GPHN: variants seen among roughly 807,000 people sequenced by gnomAD.
The protein encoded by GPHN is gephyrin.
GPHN carries 17 observed loss-of-function variants against 95.5 expected under a neutral mutation model. The ratio of observed to expected loss-of-function variants is 0.18; its 90% CI spans 0.12 to 0.27. GPHN has a LOEUF of 0.27. Among genes scored for constraint, GPHN ranks in the 10% least tolerant of loss-of-function variants. The probability of loss-of-function intolerance (pLI) is 1.00; values close to 1 mark genes in which losing one functional copy is unlikely to be tolerated. For synonymous variants in GPHN, 320 were observed against 322.5 expected, an observed-to-expected ratio of 0.99 and a Z score of 0.08; for missense variants, 660 against 978.1, an observed-to-expected ratio of 0.67 and a Z score of 4.34.
At chr14:67,255,099 G>A in the GPHN span, among the ~76,000 whole-genome samples, 1 of 152,026 alleles carries the variant, frequency 6.6e-6, no homozygotes, top group Admixed American at 6.5e-5. Flanking sequence ...CAGTGAGCCA[G>A]GATTGTGCCA....
chr14:66,869,391 G>A (rs542776210), intron 4 of GPHN, among the ~76,000 whole-genome samples: 1 of 152,258 alleles, frequency 6.6e-6, no homozygotes, highest in South Asian at 2.1e-4. Context: ...TTGTAATTAA[G>A]TTTTATTCTC....
chr14:67,608,535 CA>C, the GPHN span, among the ~76,000 whole-genome samples: 107 of 152,248 alleles, frequency 7.0e-4, no homozygotes, highest in African/African-American at 2.4e-3. Context: ...CCACCTTAAA[CA>C]AAAGGAGGGA....
chr14:66,738,249 T>G (rs1404920127), intron 2 of GPHN, among the ~76,000 whole-genome samples: 4 of 152,222 alleles, frequency 2.6e-5, no homozygotes, highest in Non-Finnish European at 5.9e-5. Flanking sequence ...ACTGTTAATT[T>G]AAAACTGTCT....
chr14:67,387,382 T>C, the GPHN span: 1 of 1,611,408 alleles, frequency 6.2e-7, no homozygotes, highest in Non-Finnish European at 8.5e-7. Flanking sequence ...GCCTTGCTGC[T>C]GGCCTGAATG....
At chr14:66,718,736 T>TA (rs1176923504) in intron 2 of GPHN, among the ~76,000 whole-genome samples, 1 of 152,180 alleles carries the variant, frequency 6.6e-6, no homozygotes, top group Non-Finnish European at 1.5e-5. Flanking sequence ...TTGGTGCACT[T>TA]ACAATCCTCT....
At chr14:66,521,323 T>C (rs2058476840) in intron 1 of GPHN, among the ~76,000 whole-genome samples, 1 of 152,048 alleles carries the variant, frequency 6.6e-6, no homozygotes, top group South Asian at 2.1e-4. Context: ...ATGACTCACA[T>C]GTCAATTTTG....
chr14:67,694,859 T>A, the GPHN span, among the ~76,000 whole-genome samples: 1 of 152,202 alleles, frequency 6.6e-6, no homozygotes, highest in Non-Finnish European at 1.5e-5. Flanking sequence ...GGAGTGTGTC[T>A]GTCTATTCAG....
chr14:66,909,715 C>CT (rs2065573047), intron 5 of GPHN, among the ~76,000 whole-genome samples: 2 of 151,934 alleles, frequency 1.3e-5, no homozygotes, highest in Non-Finnish European at 2.9e-5. Flanking sequence ...TTAGTATTCT[C>CT]TTTAAAGTTA....
At chr14:66,939,843 A>G (rs1436811763) in intron 8 of GPHN, among the ~76,000 whole-genome samples, 2 of 152,230 alleles carry the variant, frequency 1.3e-5, no homozygotes, top group African/African-American at 4.8e-5. Flanking sequence ...AGGGTCCCCA[A>G]CAAAAGGGAC....
the GPHN span, among the ~76,000 whole-genome samples, chr14:67,324,896 C>CGTT: frequency 8.7e-6 from 1 of 114,456 alleles, no homozygotes; most frequent in Non-Finnish European, 1.7e-5. Flanking sequence ...GCCTTCCTTT[C>CGTT]ATTTTTTTTT....
the GPHN span, among the ~76,000 whole-genome samples, chr14:67,293,775 G>A: frequency 1.1e-4 from 16 of 152,236 alleles, no homozygotes; most frequent in East Asian, 2.1e-3. Flanking sequence ...TTTCAAATCC[G>A]GTTGGGAAGA....
chr14:67,593,946 T>C, the GPHN span: 4 of 1,609,280 alleles, frequency 2.5e-6, no homozygotes, highest in South Asian at 1.1e-5. Flanking sequence ...GAGAGGATCA[T>C]GCTGTTCTGA....
At chr14:67,494,948 C>T in the GPHN span, among the ~76,000 whole-genome samples, 1 of 152,224 alleles carries the variant, frequency 6.6e-6, no homozygotes, top group Middle Eastern at 3.4e-3. Flanking sequence ...TTTGTCTCTA[C>T]ATAAAAATTT....
At chr14:67,657,957 C>G in the GPHN span, among the ~76,000 whole-genome samples, 2,387 of 152,076 alleles carry the variant, frequency 0.016, 75 homozygotes, top group African/African-American at 0.054. Flanking sequence ...CCATGTTGGC[C>G]AGGCTGGTCT....
intron 8 of GPHN, among the ~76,000 whole-genome samples, chr14:66,930,630 G>A (rs2066739077): frequency 6.7e-6 from 1 of 149,766 alleles, no homozygotes; most frequent in African/African-American, 2.5e-5. Context: ...GGCTAAATCA[G>A]TCCTCACATC....
chr14:66,649,134 C>G (rs1281343501), intron 1 of GPHN, among the ~76,000 whole-genome samples: 2 of 152,130 alleles, frequency 1.3e-5, no homozygotes, highest in Non-Finnish European at 2.9e-5. Context: ...GAGTTCGAGA[C>G]CAGCCTAGGC....
chr14:67,497,009 G>T, the GPHN span, among the ~76,000 whole-genome samples: 1 of 151,838 alleles, frequency 6.6e-6, no homozygotes, highest in Non-Finnish European at 1.5e-5. Context: ...TGTTGGCCAG[G>T]CTGGTCTCCT....
chr14:67,716,881 C>CAA, the GPHN span, among the ~76,000 whole-genome samples: 2 of 85,246 alleles, frequency 2.3e-5, no homozygotes, highest in African/African-American at 9.3e-5. Context: ...GAGTCTCTGT[C>CAA]AAAAAAAAAA....
the GPHN span, among the ~76,000 whole-genome samples, chr14:67,201,148 G>A: frequency 1.3e-3 from 204 of 152,210 alleles, 2 homozygotes; most frequent in Non-Finnish European, 2.4e-3. Flanking sequence ...TTAAAAATTA[G>A]CAGGGTGCAG....
Sources: allele counts gnomAD v4.1 joint callset (sites outside exome capture counted in the v4.1 genomes callset), GRCh38; gene constraint gnomAD v4.1.1; transcripts MANE v1.5; gene names NCBI Gene and HGNC (gene_info 2026-07-23, HGNC 2026-07-21).